The following RANBP3L variants were observed in gnomAD, a reference collection of about 807,000 sequenced individuals.
The protein encoded by RANBP3L is RAN binding protein 3 like.
In RANBP3L, 56 loss-of-function variants were observed where a neutral mutation model predicts 67.2. The observed-to-expected ratio is 0.83, with a 90% CI of 0.67 to 1.04. RANBP3L has a LOEUF of 1.04. RANBP3L is among the 50% of genes least tolerant of loss of function. The pLI is 0.00. For missense variants in RANBP3L, 496 were observed against 535.5 expected, an observed-to-expected ratio of 0.93 and a Z score of 0.73; for synonymous variants, 164 against 181.4, an observed-to-expected ratio of 0.90 and a Z score of 0.77.
intron 1 of RANBP3L, among the ~76,000 whole-genome samples, chr5:36,276,783 G>C (rs1019801139): frequency 1.3e-5 from 2 of 152,150 alleles, no homozygotes; most frequent in African/African-American, 4.8e-5. Flanking sequence ...GATCTACTGA[G>C]TCAAAAGAAG....
chr5:36,271,127 G>A (rs553153250), intron 2 of RANBP3L, 126 bp downstream of exon 2: 3 of 655,794 alleles, frequency 4.6e-6, no homozygotes, highest in East Asian at 2.8e-5. Flanking sequence ...TAATCTGGAG[G>A]CACTACTCTG....
At chr5:36,267,268 G>A (rs1305845305) in intron 4 of RANBP3L, among the ~76,000 whole-genome samples, 1 of 152,102 alleles carries the variant, frequency 6.6e-6, no homozygotes, top group Non-Finnish European at 1.5e-5. Flanking sequence ...CAGCACTTTG[G>A]GAGGCCGAGG....
intron 9 of RANBP3L, 23 bp from the exon 10 acceptor site, chr5:36,257,094 C>A: frequency 6.3e-7 from 1 of 1,594,582 alleles, no homozygotes; most frequent in Non-Finnish European, 8.5e-7. Flanking sequence ...GGGGAAAAAA[C>A]ACTTAAAAGT....
intron 13 of RANBP3L, among the ~76,000 whole-genome samples, chr5:36,250,509 A>G (rs1748518764): frequency 6.6e-6 from 1 of 152,068 alleles, no homozygotes. Flanking sequence ...CAGCTTTAAT[A>G]TTTCAAAATG....
intron 8 of RANBP3L, among the ~76,000 whole-genome samples, chr5:36,258,976 G>A (rs931643885): frequency 2.0e-5 from 3 of 152,214 alleles, no homozygotes; most frequent in South Asian, 2.1e-4. Context: ...TTTATATACC[G>A]TAAGAACTCA....
intron 7 of RANBP3L, 32 bp from the exon 8 acceptor site, chr5:36,260,896 A>C: frequency 1.1e-6 from 1 of 921,686 alleles, no homozygotes; most frequent in Non-Finnish European, 1.7e-6. Flanking sequence ...TTACTATTTT[A>C]AATACATAGA....
At chr5:36,294,837 T>A (rs59250598) in intron 1 of RANBP3L, among the ~76,000 whole-genome samples, 1 of 148,432 alleles carries the variant, frequency 6.7e-6, no homozygotes, top group Admixed American at 6.8e-5. Flanking sequence ...TACATATATA[T>A]GACATATAAA....
chr5:36,265,121 A>T, intron 5 of RANBP3L, 23 bp from the exon 6 acceptor site: 1 of 1,441,894 alleles, frequency 6.9e-7, no homozygotes. Flanking sequence ...GAATTAAAGG[A>T]TAAATATATG....
At chr5:36,274,352 A>C (rs1750428946) in intron 1 of RANBP3L, among the ~76,000 whole-genome samples, 1 of 152,126 alleles carries the variant, frequency 6.6e-6, no homozygotes, top group Non-Finnish European at 1.5e-5. Context: ...CAGGCTCTCA[A>C]CAGGTAACCA....
chr5:36,295,613 C>G (rs149126908), intron 1 of RANBP3L, among the ~76,000 whole-genome samples: 4 of 151,864 alleles, frequency 2.6e-5, no homozygotes, highest in Admixed American at 2.0e-4. Flanking sequence ...CATTTTATCT[C>G]CTGCAACAGT....
chr5:36,271,301 G>C lies in RANBP3L; in HGVS notation c.102C>G (p.Val34=), dbSNP rs1264951867. ...CAAAAACAAATATGGGTTGAGCAAT[G>C]ACAGATTTTTCTGTGAAAAAAAAGA... The part of the protein sequence containing the change: ...QEDRRQQEKS[V]IAQPIFVFEK... Residue 34 remains valine, a synonymous_variant, in exon 2 of 14, where the codon GTC becomes GTG. Transcript: ENST00000296604. 3.8e-6 allele frequency: 6 copies of C among 1,582,074 alleles called. No individual in the cohort carries two copies. In the Middle Eastern group the frequency reaches 6.7e-4, roughly 178 times the overall value.
At chr5:36,273,975 G>A (rs1750403100) in intron 1 of RANBP3L, among the ~76,000 whole-genome samples, 1 of 152,130 alleles carries the variant, frequency 6.6e-6, no homozygotes, top group African/African-American at 2.4e-5. Flanking sequence ...ATCACAGGAG[G>A]CCAACTCTTC....
chr5:36,257,589 A>G, intron 8 of RANBP3L, 33 bp from the exon 9 acceptor site: 1 of 1,002,134 alleles, frequency 1.0e-6, no homozygotes, highest in Non-Finnish European at 1.5e-6. Flanking sequence ...TATTTTATTT[A>G]ATAAAAGTTT....
At chr5:36,297,819 C>T (rs1474307979) in intron 1 of RANBP3L, among the ~76,000 whole-genome samples, 2 of 152,236 alleles carry the variant, frequency 1.3e-5, no homozygotes, top group Non-Finnish European at 2.9e-5. Context: ...AAAACCATGG[C>T]TTAGTTGTCT....
rs747344848 is a variant in RANBP3L, at chr5:36,257,060, TAG to T, written c.782_783del (p.Ser261TyrfsTer2). The T allele has an allele frequency of 1.9e-6, 3 of 1,612,124 alleles. No homozygotes were observed. The highest frequency in any genetic ancestry group is 2.5e-6 in the Non-Finnish European group (3 of 1,178,920). ...GATTCAATTAGGGAAGTATTTTTAATAGAGTCTGTTCCTAAGAGAAAATGGGG... is the reference window on the plus strand; with the variant it reads ...GATTCAATTAGGGAAGTATTTTTAATAGTCTGTTCCTAAGAGAAAATGGGG... ...PVNFLSSRTD[S>X]IKNTSLIESA... is the part of the protein sequence containing the mutation. On this transcript the variant is annotated frameshift_variant, in exon 10 of 14. Transcript: ENST00000296604. LOFTEE classifies it high-confidence loss of function.
Position 36,270,007 on chromosome 5 carries a change from C to A in RANBP3L, c.151-17G>T. 2 of 1,609,800 alleles carry A rather than the reference C, an allele frequency of 1.2e-6. No individual in the cohort carries two copies. The highest frequency in any genetic ancestry group is 1.7e-5 in the Admixed American group (1 of 60,024). The stretch of plus-strand genomic sequence containing the variant: ...TGCAGGTCTCTGAAAGGAAACAAAA[C>A]CACTGAGGAGAGCTGAGTATTTGCC... On this transcript the variant is annotated splice_polypyrimidine_tract_variant and intron_variant, in intron 2 of 13. Transcript: ENST00000296604.
At chr5:36,262,766 T>C (rs1749489249) in intron 6 of RANBP3L, among the ~76,000 whole-genome samples, 1 of 152,160 alleles carries the variant, frequency 6.6e-6, no homozygotes, top group Non-Finnish European at 1.5e-5. Flanking sequence ...GTACTTTTTC[T>C]TTTTTAACAA....
At chr5:36,300,867 A>G (rs557441942) in intron 1 of RANBP3L, among the ~76,000 whole-genome samples, 196 of 152,290 alleles carry the variant, frequency 1.3e-3, no homozygotes, top group African/African-American at 4.6e-3. Flanking sequence ...CATAAAAAGG[A>G]AAGAGTCAAG....
At chr5:36,257,593 A>G in intron 8 of RANBP3L, 37 bp from the exon 9 acceptor site, 1 of 982,058 alleles carries the variant, frequency 1.0e-6, no homozygotes, top group Non-Finnish European at 1.5e-6. Flanking sequence ...TTATTTAATA[A>G]AAGTTTTAAT....
Sources: allele counts gnomAD v4.1 joint callset (sites outside exome capture counted in the v4.1 genomes callset), GRCh38; gene constraint gnomAD v4.1.1; transcripts MANE v1.5; gene names NCBI Gene and HGNC (gene_info 2026-07-23, HGNC 2026-07-21).